ECE1: variants seen among roughly 807,000 people sequenced by gnomAD.
ECE1 encodes endothelin converting enzyme 1.
In ECE1, 35 loss-of-function variants were observed where a neutral mutation model predicts 98.6. That is an observed-to-expected ratio of 0.35 (90% CI 0.27 to 0.47). ECE1 has a LOEUF of 0.47. ECE1 is among the 20% of genes least tolerant of loss of function. The pLI is 1.00. For synonymous variants in ECE1, 394 were observed against 407.1 expected (o/e 0.97, Z 0.39); for missense variants, 814 against 1,025.3 (o/e 0.79, Z 2.81).
chr1:21,291,663 T>C (rs2103364227), upstream of ECE1, among the ~76,000 whole-genome samples: 1 of 151,984 alleles, frequency 6.6e-6, no homozygotes, highest in Admixed American at 6.5e-5. Context: ...CCATCTCTAC[T>C]AAAAATACAA....
In ECE1 at chr1:21,239,395, C is replaced by T. The variant is rs2098192881; in HGVS notation, c.1279-1151G>A. 3.9e-5 allele frequency among the ~76,000 whole-genome samples: 6 copies of T among 152,210 alleles called. No homozygotes were observed. In the South Asian group the frequency reaches 1.2e-3, roughly 32 times the overall value. On this transcript the variant is annotated intron_variant, in intron 10 of 18. Transcript: ENST00000374893. ...ACAGAGGAAGTGATGTCCTCTTAAC[C>T]CCAAAGAACAGGTGGTTAACAACCA...
rs566027181 is a variant in ECE1 at position 21,263,735 on chromosome 1, T to C, written c.494-3343A>G. 3.3e-5 allele frequency among the ~76,000 whole-genome samples: 5 copies of C among 151,936 alleles called. No homozygotes were observed. In the South Asian group the frequency reaches 8.3e-4, roughly 25 times the overall value. The stretch of plus-strand genomic sequence containing the variant: ...ATGAGGGGGCCCCGCCAGGAGTTGG[T>C]GTTCATGCCCCCTCTGTGTGTGTCA... On this transcript the variant is annotated intron_variant, in intron 4 of 18. Transcript: ENST00000374893.
In ECE1 at chr1:21,232,678, T is replaced by C. The variant is rs1305794004; in HGVS notation, c.1670+880A>G. 2.6e-5 allele frequency among the ~76,000 whole-genome samples: 4 copies of C among 151,670 alleles called. No individual in the cohort carries two copies. In the East Asian group the frequency reaches 7.8e-4, roughly 29 times the overall value. ...ATTTAAGGTCAGGAAGCTGTATTTT[T>C]TTTTTTTTTTTGAGATGGAGTCTTG... On this transcript the variant is annotated intron_variant, in intron 14 of 18. Coordinates refer to ENST00000374893, the MANE Select transcript of ECE1 (RefSeq NM_001397.3).
intron 2 of ECE1, among the ~76,000 whole-genome samples, chr1:21,282,942 T>A (rs868512976): frequency 0.099 from 14,496 of 146,130 alleles, 730 homozygotes; most frequent in African/African-American, 0.17. Flanking sequence ...ACATTATTTT[T>A]TTTTTTTTTT....
intron 1 of ECE1, among the ~76,000 whole-genome samples, chr1:21,331,220 T>C (rs1361005032): frequency 6.6e-6 from 1 of 151,928 alleles, no homozygotes; most frequent in Non-Finnish European, 1.5e-5. Context: ...CTGGCCAACA[T>C]GGTGAAACCC....
chr1:21,257,786 C>CG (rs555776063), intron 6 of ECE1, among the ~76,000 whole-genome samples, 196 bp from the exon 7 acceptor site: 1 of 90,150 alleles, frequency 1.1e-5, no homozygotes. Flanking sequence ...GTCCACGTGG[C>CG]CCCCCCCCGC....
In ECE1 at chr1:21,221,859, C is replaced by T. The variant is rs760001583; in HGVS notation, c.2041-17G>A. On this transcript the variant is annotated splice_polypyrimidine_tract_variant and intron_variant, in intron 17 of 18. Coordinates refer to ENST00000374893, the MANE Select transcript of ECE1 (RefSeq NM_001397.3). Reference sequence around the variant, plus strand: ...CTGGTAAGCCTGGGAGGAGAGAAAACCAAAGCTCAGGGGTTCCCATGGCAG... The same window carrying T: ...CTGGTAAGCCTGGGAGGAGAGAAAATCAAAGCTCAGGGGTTCCCATGGCAG... 1.2e-6 allele frequency: 2 copies of T among 1,613,084 alleles called. No individual in the cohort carries two copies. The highest frequency in any genetic ancestry group is 1.3e-5 in the African/African-American group (1 of 74,860).
At chr1:21,234,489 G>A (rs1296100510) in intron 13 of ECE1, among the ~76,000 whole-genome samples, 1 of 150,786 alleles carries the variant, frequency 6.6e-6, no homozygotes, top group Admixed American at 6.6e-5. Flanking sequence ...CTTTTTTTCT[G>A]CTTTTTTGAG....
At position 21,219,987 on chromosome 1, in the gene ECE1, T is replaced by C; in HGVS notation, c.2281A>G (p.Met761Val). ...ACTTCGCACTTGTGAGGCGGGTTCA[T>C]GGGTGAGCCAGGTGGGCAGCGGAAG... ...EHFRCPPGSP[M>V]NPPHKCEVW Residue 761 changes from methionine to valine, a missense_variant, in exon 19 of 19, where the codon ATG becomes GTG. Around this residue, in one of 3 missense-constraint regions of ECE1, gnomAD observed 452 missense variants for 567.3 expected, o/e 0.80. Transcript: ENST00000374893. The surrounding 1 kb of genome is among the most constrained non-coding windows in gnomAD (Gnocchi z 4.5). 2 of 1,614,220 alleles carry C rather than the reference T, an allele frequency of 1.2e-6. No homozygotes were observed. Among genetic ancestry groups the C allele is most frequent in the Non-Finnish European group, 1.7e-6 (2 of 1,180,046 alleles).
At chr1:21,287,429 G>A (rs910666880) in intron 2 of ECE1, among the ~76,000 whole-genome samples, 12 of 152,212 alleles carry the variant, frequency 7.9e-5, no homozygotes, top group African/African-American at 2.2e-4. Context: ...CGGAGGCTGA[G>A]GCAGGAGAAT....
rs113860926 is a variant in ECE1 at position 21,330,286 on chromosome 1, A to G, written c.3+15090T>C. ...AGTCTCCCTCTGCCACCCAGGCTGG[A>G]GTGCAGTGGCATGATCTCCACTCAC... On this transcript the variant is annotated intron_variant, in intron 1 of 18. Transcript: ENST00000415912. 4.3e-3 allele frequency among the ~76,000 whole-genome samples: 504 copies of G among 116,302 alleles called. 4 individuals carry two copies. The highest frequency in any genetic ancestry group is 8.5e-3 in the Middle Eastern group (1 of 118). 76.3% of individuals were successfully genotyped at this position (116,302 alleles called of 152,430 possible).
intron 4 of ECE1, chr1:21,266,894 C>G (rs984298257): frequency 6.6e-6 from 1 of 152,238 alleles, no homozygotes; most frequent in Non-Finnish European, 1.5e-5. Flanking sequence ...CCAGCTGGCC[C>G]TAAGAAGCCC....
intron 8 of ECE1, among the ~76,000 whole-genome samples, chr1:21,255,467 C>A (rs1224609513): frequency 6.6e-6 from 1 of 152,348 alleles, no homozygotes; most frequent in African/African-American, 2.4e-5. Context: ...AGATCTAACG[C>A]CCTGTTGTAC....
intron 1 of ECE1, among the ~76,000 whole-genome samples, chr1:21,341,461 G>T (rs567672606): frequency 6.6e-6 from 1 of 152,254 alleles, no homozygotes; most frequent in Non-Finnish European, 1.5e-5. Context: ...ACATGAAAGT[G>T]TGGACTTGGC....
At chr1:21,342,926 C>T (rs1442569794) in intron 1 of ECE1, among the ~76,000 whole-genome samples, 1 of 152,222 alleles carries the variant, frequency 6.6e-6, no homozygotes, top group Non-Finnish European at 1.5e-5. Flanking sequence ...CAGCCTAGTA[C>T]TTTCTGGCCC....
At chr1:21,334,740 T>C (rs947296213) in intron 1 of ECE1, among the ~76,000 whole-genome samples, 1 of 152,166 alleles carries the variant, frequency 6.6e-6, no homozygotes, top group Non-Finnish European at 1.5e-5. Context: ...TGTGCTCTGC[T>C]GCCAGCAAGG....
intron 4 of ECE1, among the ~76,000 whole-genome samples, chr1:21,261,678 A>T (rs1426806800): frequency 6.6e-6 from 1 of 152,248 alleles, no homozygotes; most frequent in Non-Finnish European, 1.5e-5. Flanking sequence ...GGCACCCAGC[A>T]GAAACTCAAA....
chr1:21,262,437 A>G (rs531967588), intron 4 of ECE1, among the ~76,000 whole-genome samples: 104 of 152,334 alleles, frequency 6.8e-4, no homozygotes, highest in Middle Eastern at 3.4e-3. Context: ...AACACTCCCA[A>G]TGAAGCTCTT....
At chr1:21,281,223 A>C (rs1175814823) in intron 2 of ECE1, among the ~76,000 whole-genome samples, 2 of 151,730 alleles carry the variant, frequency 1.3e-5, no homozygotes, top group African/African-American at 4.8e-5. Flanking sequence ...AAACAAAACA[A>C]AACTGAGCAA....
Sources: allele counts gnomAD v4.1 joint callset (sites outside exome capture counted in the v4.1 genomes callset), GRCh38; gene constraint gnomAD v4.1.1; regional missense constraint gnomAD v4.1.1; non-coding constraint Gnocchi (gnomAD v3.1); transcripts MANE v1.5; gene names NCBI Gene and HGNC (gene_info 2026-07-23, HGNC 2026-07-21).